ATP6V0A1: variants seen among roughly 807,000 people sequenced by gnomAD.
The protein encoded by ATP6V0A1 is V-type proton ATPase 116 kDa subunit a 1.
ATP6V0A1 carries 43 observed loss-of-function variants against 105.4 expected under a neutral mutation model. That is an observed-to-expected ratio of 0.41 (90% CI 0.32 to 0.53). The LOEUF (loss-of-function observed/expected upper bound fraction) is 0.53, where lower values mean the gene tolerates loss of function less well. Among genes scored for constraint, ATP6V0A1 ranks in the 20% least tolerant of loss-of-function variants. ATP6V0A1 has a pLI of 0.30. For synonymous variants in ATP6V0A1, 362 were observed against 372.8 expected, an observed-to-expected ratio of 0.97 and a Z score of 0.33; for missense variants, 676 against 1,051.1, an observed-to-expected ratio of 0.64 and a Z score of 4.93.
intron 2 of ATP6V0A1, among the ~76,000 whole-genome samples, chr17:42,464,698 C>T (rs932097230): frequency 3.9e-5 from 6 of 152,054 alleles, no homozygotes; most frequent in Admixed American, 2.6e-4. Context: ...CCACCGTGCC[C>T]GGCCAATGTG....
In ATP6V0A1 at chr17:42,522,427, C is replaced by T. The variant is rs1178297875; in HGVS notation, c.*1307C>T. On this transcript the variant is annotated 3_prime_UTR_variant, in exon 22 of 22. Coordinates refer to ENST00000343619, the MANE Select transcript of ATP6V0A1 (RefSeq NM_001130021.3). ...CTGGCCCACTGTGACCTGACCCGAC[C>T]TTGTGCAGCCCCCCTGCCCTGGTGT... 6.5e-6 allele frequency: 1 copy of T among 152,788 alleles called. No individual in the cohort carries two copies. Among genetic ancestry groups the T allele is most frequent in the African/African-American group, 2.4e-5 (1 of 41,460 alleles). 9.5% of individuals were successfully genotyped at this position (152,788 alleles called of 1,614,324 possible).
rs1386722889 is a variant in ATP6V0A1 at position 42,521,146 on chromosome 17, T to C, written c.*26T>C. 2 of 1,570,452 alleles carry C rather than the reference T, an allele frequency of 1.3e-6. No homozygotes were observed. Among genetic ancestry groups the C allele is most frequent in the Admixed American group, 3.6e-5 (2 of 55,748 alleles). On this transcript the variant is annotated 3_prime_UTR_variant, in exon 22 of 22. Coordinates refer to ENST00000343619, the MANE Select transcript of ATP6V0A1 (RefSeq NM_001130021.3). The surrounding 1 kb of genome is among the most constrained non-coding windows in gnomAD (Gnocchi z 4.8). ...GTCCCTGTGAGGGCCGTGTGCCCCA[T>C]GCTACCCTCCCCGCCTCCCTCCACA...
chr17:42,480,393 C>T (rs1390114762), intron 7 of ATP6V0A1: 1 of 253,486 alleles, frequency 3.9e-6, no homozygotes, highest in Non-Finnish European at 7.5e-6. Flanking sequence ...GTAAATAAGT[C>T]TAAACAGTGC....
In ATP6V0A1 at chr17:42,477,925, A is replaced by G. The variant is rs547368077; in HGVS notation, c.506+183A>G. 1.8e-4 allele frequency among the ~76,000 whole-genome samples: 28 copies of G among 152,258 alleles called. No homozygotes were observed. The Middle Eastern group carries it at 0.01, about 55-fold the overall frequency. ...CTGTCAGCTCTCTGCTGGGTCCATA[A>G]GTGAAGCTGGGAATAAGACTTGTAT... On this transcript the variant is annotated intron_variant, in intron 6 of 21. Coordinates refer to ENST00000343619, the MANE Select transcript of ATP6V0A1 (RefSeq NM_001130021.3).
Position 42,501,031 on chromosome 17 carries a change from T to C in ATP6V0A1, c.1896+108T>C. ...TAACTGCCCTTCTATGGGACAATTCTAGGGCTTTGCCACAAAATGTGATAA... is the reference window on the plus strand; with the variant it reads ...TAACTGCCCTTCTATGGGACAATTCCAGGGCTTTGCCACAAAATGTGATAA... On this transcript the variant is annotated intron_variant, in intron 16 of 21. Coordinates refer to ENST00000343619, the MANE Select transcript of ATP6V0A1 (RefSeq NM_001130021.3). The C allele has an allele frequency of 7.0e-6, 9 of 1,277,592 alleles. No homozygotes were observed. In the South Asian group the frequency reaches 7.7e-5, roughly 11 times the overall value. 79.1% of individuals were successfully genotyped at this position (1,277,592 alleles called of 1,614,324 possible).
At chr17:42,513,160 G>A (rs931469067) in intron 19 of ATP6V0A1, among the ~76,000 whole-genome samples, 1 of 152,180 alleles carries the variant, frequency 6.6e-6, no homozygotes, top group Non-Finnish European at 1.5e-5. Flanking sequence ...AGAAACTGGA[G>A]ATATGCTATT....
intron 3 of ATP6V0A1, among the ~76,000 whole-genome samples, chr17:42,467,038 T>C (rs1033738118): frequency 6.6e-6 from 1 of 151,570 alleles, no homozygotes; most frequent in Non-Finnish European, 1.5e-5. Flanking sequence ...TCCCAGCTAC[T>C]GGGGAGGCTG....
intron 11 of ATP6V0A1, among the ~76,000 whole-genome samples, chr17:42,491,436 G>A (rs560956490): frequency 1.3e-4 from 19 of 151,776 alleles, no homozygotes; most frequent in South Asian, 4.2e-4. Context: ...TCAGCCTCCC[G>A]AATAGCTGGG....
chr17:42,498,725 C>T (rs988146735), intron 14 of ATP6V0A1, among the ~76,000 whole-genome samples, 199 bp from the exon 15 acceptor site: 2 of 152,084 alleles, frequency 1.3e-5, no homozygotes, highest in South Asian at 2.1e-4. Flanking sequence ...ACTTGGGAGG[C>T]TGAGGCAGGA....
intron 21 of ATP6V0A1, chr17:42,520,459 A>G: frequency 2.2e-6 from 1 of 456,488 alleles, no homozygotes; most frequent in Non-Finnish European, 4.4e-6. Flanking sequence ...ATTCTTTCTC[A>G]GATGTTTTTG....
At chr17:42,484,525 A>AC (rs1461526595) in intron 9 of ATP6V0A1, among the ~76,000 whole-genome samples, 1 of 152,022 alleles carries the variant, frequency 6.6e-6, no homozygotes, top group African/African-American at 2.4e-5. Flanking sequence ...TTTGATCTTA[A>AC]CCACACAGAC....
chr17:42,476,585 T>TTTTTG (rs539021195), intron 5 of ATP6V0A1, among the ~76,000 whole-genome samples: 145 of 152,160 alleles, frequency 9.5e-4, no homozygotes, highest in Middle Eastern at 3.4e-3. Flanking sequence ...ATTGGACTGG[T>TTTTTG]TTTTGTTTTG....
In ATP6V0A1 at chr17:42,487,271, G is replaced by C; in HGVS notation, c.927G>C (p.Leu309=). 6.2e-7 allele frequency: 1 copy of C among 1,614,190 alleles called. No homozygotes were observed. The highest frequency in any genetic ancestry group is 8.5e-7 in the Non-Finnish European group (1 of 1,180,036). ...AGGCCATCTATCACACCCTGAACCT[G>C]TGCAACATAGATGTGACTCAGAAAT... ...KMKAIYHTLN[L]CNIDVTQKCL... is the part of the protein sequence containing the mutation. The change falls in exon 10 of 22, where the codon CTG becomes CTC. Residue 309 remains leucine, a synonymous_variant. Coordinates refer to ENST00000343619, the MANE Select transcript of ATP6V0A1 (RefSeq NM_001130021.3).
At chr17:42,494,868 A>C (rs771334689) in intron 12 of ATP6V0A1, 166 bp from the exon 13 acceptor site, 18 of 671,182 alleles carry the variant, frequency 2.7e-5, no homozygotes, top group Non-Finnish European at 3.6e-5. Flanking sequence ...CATCCTGTGA[A>C]AGTGACTGTC....
intron 14 of ATP6V0A1, among the ~76,000 whole-genome samples, chr17:42,498,084 C>T (rs1208331001): frequency 6.6e-6 from 1 of 152,102 alleles, no homozygotes; most frequent in Non-Finnish European, 1.5e-5. Flanking sequence ...AACCCCATCT[C>T]TACTAAAAAT....
At chr17:42,480,563 A>T in intron 7 of ATP6V0A1, 104 bp from the exon 8 acceptor site, 1 of 1,053,840 alleles carries the variant, frequency 9.5e-7, no homozygotes, top group Non-Finnish European at 1.3e-6. Context: ...CCATGTCCTT[A>T]AAAGATGCCT....
rs771902927 is a variant in ATP6V0A1, at chr17:42,468,052, T to C, written c.239T>C (p.Met80Thr). Reference protein sequence around the residue: ...KEIRKANIPIMDTGENPEVPF... With the variant: ...KEIRKANIPITDTGENPEVPF... ...ATAAGAAAAGCTAACATTCCGATTATGGACACCGGTGAAAACCCAGAGGTT... is the reference window on the plus strand; with the variant it reads ...ATAAGAAAAGCTAACATTCCGATTACGGACACCGGTGAAAACCCAGAGGTT... Residue 80 changes from methionine (M) to threonine (T), a missense_variant, in exon 4 of 22, where the codon ATG becomes ACG. By Grantham distance (81) the Met-to-Thr change is moderately conservative (BLOSUM62 -1). Transcript: ENST00000343619. 3.1e-6 allele frequency: 5 copies of C among 1,606,988 alleles called. No individual in the cohort carries two copies. Among genetic ancestry groups the C allele is most frequent in the Non-Finnish European group, 4.2e-6 (5 of 1,176,544 alleles).
rs114909848 is a variant in ATP6V0A1 at position 42,482,975 on chromosome 17, G to C, written c.717-63G>C. Reference sequence around the variant, plus strand: ...TGTTTTGGTCCTTCTGGTACATTAGGATTACTTTCTGAGATTATTTAAATT... The same window carrying C: ...TGTTTTGGTCCTTCTGGTACATTAGCATTACTTTCTGAGATTATTTAAATT... On this transcript the variant is annotated intron_variant, in intron 8 of 21. Transcript: ENST00000343619. 7.5e-4 allele frequency: 891 copies of C among 1,185,238 alleles called. 8 individuals carry two copies. In the African/African-American group the frequency reaches 0.012, roughly 17 times the overall value. The allele number at this position is 1,185,238 out of a possible 1,614,324, so 73.4% of individuals were successfully genotyped here. A position where few individuals can be genotyped will look rare whatever the true frequency, so the allele number is the denominator to read the frequency against.
chr17:42,477,847 C>T (rs1333966509), intron 6 of ATP6V0A1, 105 bp downstream of exon 6: 12 of 907,882 alleles, frequency 1.3e-5, no homozygotes, highest in South Asian at 6.8e-5. Flanking sequence ...GATATGCCCT[C>T]TTCTGAGCCT....
Sources: gnomAD v4.1 joint callset for allele counts (sites outside exome capture counted in the v4.1 genomes callset) on GRCh38, gnomAD v4.1.1 for gene constraint, Gnocchi (gnomAD v3.1) non-coding constraint, MANE v1.5 for transcripts, NCBI Gene and HGNC (gene_info 2026-07-23, HGNC 2026-07-21) for gene names.